The following SND1 variants were observed in gnomAD, a reference collection of about 807,000 sequenced individuals.
SND1 encodes the protein staphylococcal nuclease and tudor domain containing 1, also known as staphylococcal nuclease domain-containing protein 1.
Under a neutral mutation model 121.7 loss-of-function variants are expected in SND1, and 38 were observed. The observed-to-expected ratio is 0.31, with a 90% CI of 0.24 to 0.41. SND1 has a LOEUF of 0.41. Among genes scored for constraint, SND1 ranks in the 10% least tolerant of loss-of-function variants. The pLI is 1.00. For missense variants in SND1, 868 were observed against 1,184.6 expected, an observed-to-expected ratio of 0.73 and a Z score of 3.92; for synonymous variants, 401 against 447.4, an observed-to-expected ratio of 0.90 and a Z score of 1.31.
chr7:127,799,223 G>T (rs986376287), intron 10 of SND1, among the ~76,000 whole-genome samples: 1 of 152,148 alleles, frequency 6.6e-6, no homozygotes, highest in Non-Finnish European at 1.5e-5. Flanking sequence ...ACCAAGAGCT[G>T]CAGTGCCTGG....
At chr7:128,056,639 G>A (rs532764729) in intron 16 of SND1, among the ~76,000 whole-genome samples, 35 of 152,128 alleles carry the variant, frequency 2.3e-4, no homozygotes, top group Admixed American at 2.6e-4. Context: ...TGCCATCAAG[G>A]AGTTGGCAGA....
chr7:127,665,343 C>A (rs941804102), intron 1 of SND1, among the ~76,000 whole-genome samples: 1 of 152,010 alleles, frequency 6.6e-6, no homozygotes, highest in African/African-American at 2.4e-5. Context: ...CCCGCCACCA[C>A]GCCCGGCCAA....
intron 12 of SND1, among the ~76,000 whole-genome samples, chr7:127,855,317 G>T (rs536102282): frequency 6.6e-6 from 1 of 152,120 alleles, no homozygotes; most frequent in Non-Finnish European, 1.5e-5. Context: ...TAGCCATGTT[G>T]CTCAGGCTGG....
chr7:127,922,792 T>TA lies in SND1; in HGVS notation c.1528-6395dup, dbSNP rs373377997. 1.8e-3 allele frequency among the ~76,000 whole-genome samples: 277 copies of TA among 152,300 alleles called. 1 individual carries two copies. Among genetic ancestry groups the TA allele is most frequent in the African/African-American group, 5.8e-3 (243 of 41,568 alleles). On this transcript the variant is annotated intron_variant, in intron 14 of 23. Transcript: ENST00000354725. ...TTGAGGGCATCACTGATTGGAATGATACATCCTAAGCTCAGGGCTTTCTTC... is the reference window on the plus strand; with the variant it reads ...TTGAGGGCATCACTGATTGGAATGATAACATCCTAAGCTCAGGGCTTTCTTC...
intron 16 of SND1, among the ~76,000 whole-genome samples, chr7:128,067,587 C>T (rs1045822409): frequency 1.3e-5 from 2 of 152,174 alleles, no homozygotes; most frequent in African/African-American, 4.8e-5. Flanking sequence ...GCCTGTCCTG[C>T]TTGAGGCAGC....
chr7:127,867,467 T>C (rs1799499055), intron 12 of SND1, among the ~76,000 whole-genome samples: 1 of 152,156 alleles, frequency 6.6e-6, no homozygotes, highest in African/African-American at 2.4e-5. Flanking sequence ...CCTTTCCCTG[T>C]CTCTAGCAGG....
At chr7:128,078,678 A>G (rs551676585) in intron 17 of SND1, among the ~76,000 whole-genome samples, 1 of 152,362 alleles carries the variant, frequency 6.6e-6, no homozygotes, top group African/African-American at 2.4e-5. Context: ...CTGTCACCCA[A>G]GGCACTTTTA....
chr7:127,653,753 C>G (rs1795164448), intron 1 of SND1, among the ~76,000 whole-genome samples: 1 of 152,200 alleles, frequency 6.6e-6, no homozygotes. Context: ...CCCATGTGCT[C>G]ATTTCTTAAG....
At chr7:127,669,655 A>G (rs368875944) in intron 1 of SND1, among the ~76,000 whole-genome samples, 1 of 152,214 alleles carries the variant, frequency 6.6e-6, no homozygotes. Flanking sequence ...CCTATATCCA[A>G]TACCATGGTA....
chr7:127,961,893 T>G (rs1359064036), intron 15 of SND1, among the ~76,000 whole-genome samples: 9 of 152,312 alleles, frequency 5.9e-5, no homozygotes, highest in Non-Finnish European at 1.5e-5. Flanking sequence ...AGAGTTGCCC[T>G]TTGTTGGCCG....
chr7:127,798,939 C>G (rs10274574), intron 10 of SND1, among the ~76,000 whole-genome samples: 1 of 151,028 alleles, frequency 6.6e-6, no homozygotes, highest in South Asian at 2.1e-4. Context: ...CCCAGCTACT[C>G]GGCAGGCTGA....
chr7:127,951,979 C>T (rs897456116), intron 15 of SND1, among the ~76,000 whole-genome samples: 2 of 152,142 alleles, frequency 1.3e-5, no homozygotes, highest in Non-Finnish European at 2.9e-5. Context: ...GTTTTAATAC[C>T]ACTTTTTCCC....
chr7:127,830,243 C>T (rs576585697), intron 11 of SND1, among the ~76,000 whole-genome samples: 16 of 151,976 alleles, frequency 1.1e-4, no homozygotes, highest in African/African-American at 2.9e-4. Context: ...ATTAGCTGGG[C>T]GTGGTGGTGG....
At chr7:127,935,869 G>A (rs935603246) in intron 15 of SND1, among the ~76,000 whole-genome samples, 36 of 152,198 alleles carry the variant, frequency 2.4e-4, no homozygotes, top group Non-Finnish European at 1.2e-4. Context: ...AGTCCCTTAT[G>A]TGCTGCTCTC....
At chr7:127,810,892 T>C (rs951263571) in intron 11 of SND1, among the ~76,000 whole-genome samples, 2 of 152,210 alleles carry the variant, frequency 1.3e-5, no homozygotes, top group East Asian at 1.9e-4. Flanking sequence ...ATGGGAACCA[T>C]TGTATTTAAA....
intron 2 of SND1, among the ~76,000 whole-genome samples, chr7:127,691,564 T>C (rs1795916015): frequency 6.6e-6 from 1 of 151,874 alleles, no homozygotes; most frequent in African/African-American, 2.4e-5. Context: ...AATAATTAAA[T>C]AAAACAAACT....
At chr7:127,888,152 A>G in intron 13 of SND1, 140 bp downstream of exon 13, 2 of 573,154 alleles carry the variant, frequency 3.5e-6, no homozygotes, top group Non-Finnish European at 6.1e-6. Context: ...GATTTTCCCC[A>G]TGAAAAGAAG....
intron 1 of SND1, among the ~76,000 whole-genome samples, chr7:127,671,004 C>G (rs1795506058): frequency 6.6e-6 from 1 of 152,112 alleles, no homozygotes. Flanking sequence ...GATAATGAAA[C>G]AGTGCATGGA....
At chr7:127,748,458 C>T (rs779360642) in intron 10 of SND1, among the ~76,000 whole-genome samples, 2 of 152,166 alleles carry the variant, frequency 1.3e-5, no homozygotes, top group African/African-American at 2.4e-5. Flanking sequence ...ATCGGAATTG[C>T]ATCATTAATC....
Sources: gnomAD v4.1 joint callset for allele counts (sites outside exome capture counted in the v4.1 genomes callset) on GRCh38, gnomAD v4.1.1 for gene constraint, MANE v1.5 for transcripts, NCBI Gene and HGNC (gene_info 2026-07-23, HGNC 2026-07-21) for gene names.